Variants in TTC39B observed in about 807,000 individuals in gnomAD.
TTC39B encodes the protein tetratricopeptide repeat protein 39B.
TTC39B carries 92 observed loss-of-function variants against 96.6 expected under a neutral mutation model. The ratio of observed to expected loss-of-function variants is 0.95; its 90% CI spans 0.80 to 1.13. TTC39B has a LOEUF of 1.13. Among genes scored for constraint, TTC39B ranks in the 50% most tolerant of loss-of-function variants. TTC39B has a pLI of 0.00. For missense variants in TTC39B, 955 were observed against 809.3 expected, an observed-to-expected ratio of 1.18 and a Z score of -2.18; for synonymous variants, 367 against 299.4, an observed-to-expected ratio of 1.23 and a Z score of -2.33.
At chr9:15,265,508 C>T (rs1444811851) in intron 2 of TTC39B, among the ~76,000 whole-genome samples, 2 of 152,214 alleles carry the variant, frequency 1.3e-5, no homozygotes, top group Non-Finnish European at 2.9e-5. Context: ...AGCCCAAGCT[C>T]AATTCCTGCC....
intron 2 of TTC39B, among the ~76,000 whole-genome samples, chr9:15,250,971 G>A (rs1445970670): frequency 6.6e-6 from 1 of 152,092 alleles, no homozygotes; most frequent in Admixed American, 6.6e-5. Flanking sequence ...GCTGAGGGGG[G>A]CAGATCACAA....
In TTC39B at chr9:15,225,982, G is replaced by A. The variant is rs571548252; in HGVS notation, c.306C>T (p.Ser102=). ...GTGTATCACATGATGCAAAGTGAAG[G>A]CTGCTTGTTGCCATATCTGAGTGAG... Residue 102 remains serine, a synonymous_variant, in exon 3 of 20, where the codon AGC becomes AGT. Coordinates refer to ENST00000512701, the Ensembl canonical transcript of TTC39B. 5.1e-5 allele frequency: 83 copies of A among 1,613,944 alleles called. 2 individuals are homozygous for A. The South Asian group carries it at 8.7e-4, about 17-fold the overall frequency.
chr9:15,193,159 A>G (rs1818956936), intron 8 of TTC39B, among the ~76,000 whole-genome samples: 1 of 152,200 alleles, frequency 6.6e-6, no homozygotes, highest in African/African-American at 2.4e-5. Context: ...AGGGCTTGGG[A>G]CCAGGACAGA....
intron 3 of TTC39B, among the ~76,000 whole-genome samples, chr9:15,219,565 C>T (rs1012830363): frequency 2.0e-5 from 3 of 152,182 alleles, no homozygotes; most frequent in Non-Finnish European, 4.4e-5. Flanking sequence ...ACAAGACCCT[C>T]ATCCAAGAGG....
intron 1 of TTC39B, among the ~76,000 whole-genome samples, chr9:15,299,952 C>T (rs1269583126): frequency 1.3e-5 from 2 of 149,808 alleles, no homozygotes; most frequent in Admixed American, 6.6e-5. Context: ...ACTAGAAAAA[C>T]AGCTGTCAAA....
chr9:15,260,816 C>G (rs1267335667), intron 2 of TTC39B, among the ~76,000 whole-genome samples: 2 of 129,818 alleles, frequency 1.5e-5, no homozygotes, highest in African/African-American at 8.9e-5. Flanking sequence ...TTCTAATTAC[C>G]TGGCTAAAAA....
At chr9:15,295,808 T>C (rs1824352875) in intron 1 of TTC39B, among the ~76,000 whole-genome samples, 1 of 152,104 alleles carries the variant, frequency 6.6e-6, no homozygotes, top group Admixed American at 6.5e-5. Context: ...AGCTGGCCAC[T>C]CTCTCAGAAA....
chr9:15,206,168 T>A (rs1257833977), intron 6 of TTC39B, among the ~76,000 whole-genome samples: 1 of 152,220 alleles, frequency 6.6e-6, no homozygotes. Context: ...ATTAAATCCC[T>A]TTCACATCCC....
chr9:15,279,420 T>C (rs1360418838), intron 1 of TTC39B, among the ~76,000 whole-genome samples: 1 of 152,094 alleles, frequency 6.6e-6, no homozygotes, highest in Non-Finnish European at 1.5e-5. Context: ...AATCCTATAA[T>C]GGGGGAGAGA....
rs1819095671 is a variant in TTC39B, at chr9:15,195,337, A to C, written c.825-2642T>G. Among the ~76,000 whole-genome samples, 7 of 152,228 alleles carry C rather than the reference A, an allele frequency of 4.6e-5. No individual in the cohort carries two copies. In the South Asian group the frequency reaches 1.5e-3, roughly 32 times the overall value. Reference sequence around the variant, plus strand: ...AGAAAAAAATGTTGGAAGCTAACAGAGGTTGTTTCATGAATTTAAGGAAAG... The same window carrying C: ...AGAAAAAAATGTTGGAAGCTAACAGCGGTTGTTTCATGAATTTAAGGAAAG... On this transcript the variant is annotated intron_variant, in intron 8 of 19. Coordinates refer to ENST00000512701, the Ensembl canonical transcript of TTC39B.
At chr9:15,217,509 T>G (rs1318263490) in intron 3 of TTC39B, among the ~76,000 whole-genome samples, 1 of 152,084 alleles carries the variant, frequency 6.6e-6, no homozygotes, top group African/African-American at 2.4e-5. Flanking sequence ...AACACCCCTC[T>G]CCAGCACACT....
intron 4 of TTC39B, among the ~76,000 whole-genome samples, chr9:15,212,646 C>T (rs753871656): frequency 1.3e-5 from 2 of 152,134 alleles, no homozygotes; most frequent in African/African-American, 2.4e-5. Flanking sequence ...AGGCTGGTCT[C>T]GAACTCCCGA....
chr9:15,256,093 T>C (rs1822740750), intron 2 of TTC39B, among the ~76,000 whole-genome samples: 1 of 152,202 alleles, frequency 6.6e-6, no homozygotes, highest in Non-Finnish European at 1.5e-5. Context: ...CTTTGGAAGG[T>C]GATTAGGTCA....
chr9:15,175,641 A>C (rs1817895636), intron 18 of TTC39B, among the ~76,000 whole-genome samples: 1 of 152,228 alleles, frequency 6.6e-6, no homozygotes, highest in East Asian at 1.9e-4. Flanking sequence ...AAAAAATACA[A>C]CTAACACCAT....
At chr9:15,166,201 A>T (rs1462246757) in exon 20 of TTC39B, 1 of 152,246 alleles carries the variant, frequency 6.6e-6, no homozygotes, top group Non-Finnish European at 1.5e-5. Context: ...GAAGTTTGTT[A>T]TTAAAGTGCC....
intron 1 of TTC39B, among the ~76,000 whole-genome samples, chr9:15,273,252 C>G (rs550535480): frequency 6.6e-6 from 1 of 152,276 alleles, no homozygotes; most frequent in African/African-American, 2.4e-5. Context: ...TCAATACTCT[C>G]CATTAACTGC....
Position 15,192,629 on chromosome 9 carries a change from A to C in TTC39B, c.891T>G (p.Phe297Leu), listed in dbSNP as rs770646146. The C allele has an allele frequency of 8.7e-6, 14 of 1,614,126 alleles. No individual in the cohort carries two copies. The South Asian group carries it at 1.3e-4, about 15-fold the overall frequency. ...CACTGCCAAGCTTGACACCCCCTTC[A>C]AACTCATAGAAGAATTCCTGCTGAA... The change falls in exon 9 of 20, where the codon TTT (phenylalanine) becomes TTG (leucine). Residue 297 changes from phenylalanine (F) to leucine (L), a missense_variant. Transcript: ENST00000512701.
chr9:15,276,852 T>G (rs1823563119), intron 1 of TTC39B, among the ~76,000 whole-genome samples: 1 of 152,114 alleles, frequency 6.6e-6, no homozygotes, highest in Non-Finnish European at 1.5e-5. Context: ...AGGTCCGACT[T>G]AAAACAGGCT....
At chr9:15,181,788 G>A (rs896616917) in intron 17 of TTC39B, among the ~76,000 whole-genome samples, 19 of 152,168 alleles carry the variant, frequency 1.2e-4, no homozygotes, top group African/African-American at 4.3e-4. Context: ...TTCCAATGCT[G>A]GGCTTCCTCT....
Sources: allele counts gnomAD v4.1 joint callset (sites outside exome capture counted in the v4.1 genomes callset), GRCh38; gene constraint gnomAD v4.1.1; transcripts MANE v1.5; gene names NCBI Gene and HGNC (gene_info 2026-07-23, HGNC 2026-07-21).